The following CTIF variants were observed in gnomAD, a reference collection of about 807,000 sequenced individuals.
CTIF encodes cap binding complex dependent translation initiation factor.
A neutral mutation model predicts 66.0 loss-of-function variants in CTIF; 21 were observed. That is an observed-to-expected ratio of 0.32 (90% CI 0.23 to 0.46). The LOEUF (loss-of-function observed/expected upper bound fraction) is 0.46. Ranked by LOEUF, CTIF falls within the 20% of genes least tolerant of loss-of-function variation. The pLI is 1.00. For synonymous variants in CTIF, 345 were observed against 326.4 expected (o/e 1.06, Z -0.62); for missense variants, 739 against 812.7 (o/e 0.91, Z 1.10).
At chr18:48,716,088 A>G (rs1314087050) in intron 7 of CTIF, among the ~76,000 whole-genome samples, 1 of 152,096 alleles carries the variant, frequency 6.6e-6, no homozygotes, top group African/African-American at 2.4e-5. Flanking sequence ...GCCGGGAGGC[A>G]GTGCCCCGCT....
At chr18:48,707,080 A>G (rs75367877) in intron 6 of CTIF, among the ~76,000 whole-genome samples, 14,890 of 152,242 alleles carry the variant, frequency 0.098, 944 homozygotes, top group Middle Eastern at 0.14. Context: ...CCAGCTGGGA[A>G]ACCCAAGGGC....
intron 6 of CTIF, among the ~76,000 whole-genome samples, chr18:48,691,918 G>A (rs1446832021): frequency 6.6e-6 from 1 of 152,160 alleles, no homozygotes; most frequent in East Asian, 1.9e-4. Flanking sequence ...GTCTCACTCT[G>A]TCACCCAGGC....
rs188515360 is a variant in CTIF, at chr18:48,644,307, G to A, written c.252+7622G>A. Among the ~76,000 whole-genome samples the A allele has an allele frequency of 1.8e-3, 281 of 152,294 alleles. 4 individuals are homozygous for A. The highest frequency in any genetic ancestry group is 0.016 in the Admixed American group (241 of 15,282). On this transcript the variant is annotated intron_variant, in intron 3 of 11. Coordinates refer to ENST00000256413, the MANE Select transcript of CTIF (RefSeq NM_014772.3). ...GATGGTGAGGAACATAGCCATGGTG[G>A]CTGTTTGCATGGAGGGTAGAGTGGA... is the stretch of plus-strand genomic sequence containing the variant.
At chr18:48,664,127 G>T (rs1342956045) in intron 4 of CTIF, among the ~76,000 whole-genome samples, 1 of 152,194 alleles carries the variant, frequency 6.6e-6, no homozygotes, top group African/African-American at 2.4e-5. Context: ...CTTGTCAGAG[G>T]CTGGAGACTG....
chr18:48,756,939 G>A (rs539085842), intron 7 of CTIF, among the ~76,000 whole-genome samples: 2 of 152,304 alleles, frequency 1.3e-5, no homozygotes, highest in South Asian at 4.2e-4. Context: ...CTGTAACAGA[G>A]TACCACTGAC....
intron 1 of CTIF, among the ~76,000 whole-genome samples, chr18:48,582,101 G>A (rs180794600): frequency 0.024 from 3,693 of 152,084 alleles, 155 homozygotes; most frequent in African/African-American, 0.083. Flanking sequence ...AGTGGGAGGC[G>A]TGGTGGGGTG....
At chr18:48,597,061 T>A (rs889627180) in intron 1 of CTIF, among the ~76,000 whole-genome samples, 1 of 151,956 alleles carries the variant, frequency 6.6e-6, no homozygotes, top group Non-Finnish European at 1.5e-5. Context: ...GGATGCTGAG[T>A]GGGTGGAATA....
At chr18:48,689,307 T>C (rs1375071414) in intron 6 of CTIF, among the ~76,000 whole-genome samples, 1 of 152,236 alleles carries the variant, frequency 6.6e-6, no homozygotes, top group Non-Finnish European at 1.5e-5. Flanking sequence ...CTGTCTGATA[T>C]TGTCATAAAA....
chr18:48,627,595 T>C (rs1202192433), intron 2 of CTIF, among the ~76,000 whole-genome samples: 3 of 151,958 alleles, frequency 2.0e-5, no homozygotes, highest in Non-Finnish European at 4.4e-5. Context: ...GGTGCATGCC[T>C]GTGATCCCAG....
chr18:48,566,849 T>G (rs1010400846), intron 1 of CTIF: 2 of 152,210 alleles, frequency 1.3e-5, no homozygotes, highest in African/African-American at 2.4e-5. Context: ...TGCTGAGTCA[T>G]GTCTAAATGA....
intron 6 of CTIF, among the ~76,000 whole-genome samples, chr18:48,673,280 G>T (rs922733289): frequency 6.6e-6 from 1 of 152,172 alleles, no homozygotes; most frequent in African/African-American, 2.4e-5. Context: ...ATGTGCTGTT[G>T]TGTTGTCTAG....
intron 7 of CTIF, among the ~76,000 whole-genome samples, chr18:48,750,939 A>G (rs1474923181): frequency 6.6e-6 from 1 of 152,218 alleles, no homozygotes; most frequent in Non-Finnish European, 1.5e-5. Context: ...GGGCCAAACT[A>G]TATAAGTTCA....
At chr18:48,734,951 T>C (rs945205081) in intron 7 of CTIF, among the ~76,000 whole-genome samples, 1 of 152,238 alleles carries the variant, frequency 6.6e-6, no homozygotes, top group Non-Finnish European at 1.5e-5. Context: ...CATATACATA[T>C]ATGGTATATA....
intron 1 of CTIF, among the ~76,000 whole-genome samples, chr18:48,605,877 A>G (rs796066715): frequency 2.0e-4 from 31 of 152,292 alleles, no homozygotes; most frequent in African/African-American, 7.5e-4. Context: ...CACGCACACT[A>G]GAGTGGGTTC....
At chr18:48,730,297 C>CTGCGGCG in intron 7 of CTIF, among the ~76,000 whole-genome samples, 1 of 146,978 alleles carries the variant, frequency 6.8e-6, no homozygotes, top group South Asian at 2.2e-4. Context: ...TGAGGGGCCC[C>CTGCGGCG]TGAGGTGTGA....
intron 9 of CTIF, among the ~76,000 whole-genome samples, chr18:48,782,100 A>G (rs1439130820): frequency 1.3e-5 from 2 of 151,968 alleles, no homozygotes; most frequent in Non-Finnish European, 1.5e-5. Flanking sequence ...AGAAGTTTCC[A>G]TGGAGGCAGG....
At chr18:48,720,638 C>T (rs1001972614) in intron 7 of CTIF, among the ~76,000 whole-genome samples, 1 of 152,176 alleles carries the variant, frequency 6.6e-6, no homozygotes, top group Non-Finnish European at 1.5e-5. Context: ...CTCCCTCACG[C>T]CCACCCCCAA....
chr18:48,552,821 C>T (rs766486421), intron 1 of CTIF, among the ~76,000 whole-genome samples: 6 of 152,202 alleles, frequency 3.9e-5, no homozygotes, highest in Non-Finnish European at 8.8e-5. Flanking sequence ...GGCAGGTTCC[C>T]CTGTAGTCCC....
intron 2 of CTIF, among the ~76,000 whole-genome samples, chr18:48,627,090 T>G (rs749326217): frequency 3.3e-5 from 5 of 152,270 alleles, no homozygotes; most frequent in Non-Finnish European, 5.9e-5. Context: ...TTTAAACATC[T>G]TTTACAAAGT....
Sources: gnomAD v4.1 joint callset for allele counts (sites outside exome capture counted in the v4.1 genomes callset) on GRCh38, gnomAD v4.1.1 for gene constraint, MANE v1.5 for transcripts, NCBI Gene and HGNC (gene_info 2026-07-23, HGNC 2026-07-21) for gene names.